The following CNTNAP1 variants were observed in gnomAD, a reference collection of about 807,000 sequenced individuals.
CNTNAP1 encodes the protein contactin associated protein 1.
A neutral mutation model predicts 161.5 loss-of-function variants in CNTNAP1; 80 were observed. That is an observed-to-expected ratio of 0.50 (90% confidence interval 0.41 to 0.60). CNTNAP1 has a LOEUF of 0.60. CNTNAP1 is among the 20% of genes least tolerant of loss of function. CNTNAP1 has a pLI of 0.00. For missense variants in CNTNAP1, 1,464 were observed against 1,854.8 expected (o/e 0.79, Z 3.87); for synonymous variants, 695 against 733.1 (o/e 0.95, Z 0.84).
intron 17 of CNTNAP1, among the ~76,000 whole-genome samples, chr17:42,692,959 T>C (rs1044616371): frequency 2.3e-5 from 3 of 129,272 alleles, no homozygotes; most frequent in African/African-American, 7.1e-5. Context: ...ATTTCTTTTC[T>C]TTTTTTTTTT....
chr17:42,695,294 TC>T (rs1393810842), intron 18 of CNTNAP1, among the ~76,000 whole-genome samples: 1 of 152,160 alleles, frequency 6.6e-6, no homozygotes, highest in African/African-American at 2.4e-5. Context: ...TGAGCCTGTT[TC>T]CCCATTTGTA....
intron 8 of CNTNAP1, 95 bp downstream of exon 8, chr17:42,688,076 G>A (rs1417680474): frequency 1.3e-6 from 2 of 1,498,476 alleles, no homozygotes; most frequent in East Asian, 4.5e-5. Context: ...ACATTCTGGA[G>A]AGGGGAGAGG....
At chr17:42,690,232 G>A (rs2053067576) in intron 12 of CNTNAP1, 25 bp downstream of exon 12, 3 of 1,612,758 alleles carry the variant, frequency 1.9e-6, no homozygotes, top group Admixed American at 1.7e-5. Context: ...TGGGTGGTGA[G>A]GGGGTGAGGG....
chr17:42,689,096 C>G (rs769769546), intron 10 of CNTNAP1, 49 bp downstream of exon 10: 46 of 1,505,776 alleles, frequency 3.1e-5, no homozygotes, highest in Admixed American at 8.9e-5. Context: ...GCCCTCTTCC[C>G]TGGTCTCCCA....
At position 42,687,954 on chromosome 17, in the gene CNTNAP1, G is replaced by C. The variant is rs754056108; in HGVS notation, c.1279G>C (p.Gly427Arg). ...GGTCAACGTGTCCATCGCGCAGAGC[G>C]GCCGAAAGAAGCTTCAGTTCGCTGC... is the stretch of plus-strand genomic sequence containing the variant. ...GQVNVSIAQS[G>R]RKKLQFAAGY... Residue 427 changes from glycine (G) to arginine (R), a missense_variant, in exon 8 of 24, where the codon GGC (glycine) becomes CGC (arginine). Physicochemically the swap from Gly to Arg is moderately radical, Grantham distance 125. This residue lies in a region of CNTNAP1 where 1,383 missense variants were observed against 1,765.0 expected (regional missense o/e 0.78). Transcript: ENST00000264638. This position sits in a 1 kb window ranked among gnomAD's most constrained non-coding sequence, Gnocchi z 4.7. 1.2e-6 allele frequency: 2 copies of C among 1,613,422 alleles called. No homozygotes were observed. The highest frequency in any genetic ancestry group is 1.7e-6 in the Non-Finnish European group (2 of 1,179,498).
chr17:42,696,349 A>C (rs1055294084), intron 20 of CNTNAP1, among the ~76,000 whole-genome samples, 197 bp downstream of exon 20: 1 of 143,790 alleles, frequency 7.0e-6, no homozygotes, highest in Non-Finnish European at 1.5e-5. Flanking sequence ...TTGAGATGGA[A>C]TTTTGCTCTT....
chr17:42,685,213 G>T lies in CNTNAP1; in HGVS notation c.512-4G>T, dbSNP rs2052989889. On this transcript the variant is annotated splice_region_variant and splice_polypyrimidine_tract_variant and intron_variant, in intron 4 of 23. Coordinates refer to ENST00000264638, the MANE Select transcript of CNTNAP1 (RefSeq NM_003632.3). The surrounding 1 kb of genome is among the most constrained non-coding windows in gnomAD (Gnocchi z 5.0). ...TCCCGGCCCACCTACGGTCCTTTGC[G>T]CAGAGGCCGACATACTCTATTTCGA... 1 of 1,613,432 alleles carries T rather than the reference G, an allele frequency of 6.2e-7. No homozygotes were observed. The highest frequency in any genetic ancestry group is 8.5e-7 in the Non-Finnish European group (1 of 1,180,022).
rs2052950979 is a variant in CNTNAP1 at position 42,682,728 on chromosome 17, T to C, written c.-102T>C. ...AGGGTGGGTAAGGAGGAGAGAGCGG[T>C]CTGCTGCAAACCCCAGGAGGAGAGC... is the stretch of plus-strand genomic sequence containing the variant. On this transcript the variant is annotated 5_prime_UTR_variant, in exon 1 of 24. Coordinates refer to ENST00000264638, the MANE Select transcript of CNTNAP1 (RefSeq NM_003632.3). 1 of 1,193,350 alleles carries C rather than the reference T, an allele frequency of 8.4e-7. No homozygotes were observed. Among genetic ancestry groups the C allele is most frequent in the Non-Finnish European group, 1.2e-6 (1 of 834,812 alleles). 73.9% of individuals were successfully genotyped at this position (1,193,350 alleles called of 1,614,324 possible).
In CNTNAP1 at chr17:42,692,698, G is replaced by T; in HGVS notation, c.2730G>T (p.Glu910Asp). ...PMPLQTYIWM[E>D]YDQPLYVGSA... ...CACTGCAGACCTACATCTGGATGGA[G>T]TATGACCAGCCCCTCTATGTGGGTA... The change falls in exon 17 of 24, where the codon GAG becomes GAT. Residue 910 changes from glutamate to aspartate, a missense_variant. Physicochemically the swap from Glu to Asp is conservative, Grantham distance 45. This residue lies in a region of CNTNAP1 where 1,383 missense variants were observed against 1,765.0 expected (regional missense o/e 0.78). Coordinates refer to ENST00000264638, the MANE Select transcript of CNTNAP1 (RefSeq NM_003632.3). The T allele has an allele frequency of 6.2e-7, 1 of 1,612,100 alleles. No homozygotes were observed. Among genetic ancestry groups the T allele is most frequent in the Non-Finnish European group, 8.5e-7 (1 of 1,178,470 alleles).
intron 11 of CNTNAP1, 21 bp downstream of exon 11, chr17:42,689,648 G>A (rs1439660804): frequency 6.3e-7 from 1 of 1,594,140 alleles, no homozygotes; most frequent in East Asian, 2.2e-5. Flanking sequence ...TGTGGTATGG[G>A]GGGAGTCAGG....
intron 18 of CNTNAP1, among the ~76,000 whole-genome samples, chr17:42,694,427 C>T (rs1391291196): frequency 6.6e-6 from 1 of 152,084 alleles, no homozygotes; most frequent in African/African-American, 2.4e-5. Context: ...CCACCTTGGC[C>T]TCCCAAAGTG....
At position 42,692,698 on chromosome 17, in the gene CNTNAP1, G is replaced by C; in HGVS notation, c.2730G>C (p.Glu910Asp). 1.2e-6 allele frequency: 2 copies of C among 1,612,100 alleles called. No individual in the cohort carries two copies. Among genetic ancestry groups the C allele is most frequent in the Non-Finnish European group, 1.7e-6 (2 of 1,178,470 alleles). ...PMPLQTYIWM[E>D]YDQPLYVGSA... is the part of the protein sequence containing the mutation. The stretch of plus-strand genomic sequence containing the variant: ...CACTGCAGACCTACATCTGGATGGA[G>C]TATGACCAGCCCCTCTATGTGGGTA... Residue 910 changes from glutamate to aspartate, a missense_variant, in exon 17 of 24, where the codon GAG becomes GAC. By Grantham distance (45) the Glu-to-Asp change is conservative. Transcript: ENST00000264638.
rs757592932 is a variant in CNTNAP1, at chr17:42,682,926, T to C, written c.67+30T>C. 33 of 1,577,284 alleles carry C rather than the reference T, an allele frequency of 2.1e-5. No homozygotes were observed. In the Middle Eastern group the frequency reaches 1.7e-3, roughly 79 times the overall value. ...GTGTTGGGCTTGGAGGCAGGTGGGG[T>C]TGGGCCCAGGAGTCCAGAGCCTGCA... is the stretch of plus-strand genomic sequence containing the variant. On this transcript the variant is annotated intron_variant, in intron 1 of 23. Transcript: ENST00000264638.
In CNTNAP1 at chr17:42,692,725, G is replaced by C; in HGVS notation, c.2752+5G>C. The C allele has an allele frequency of 6.3e-7, 1 of 1,599,964 alleles. No homozygotes were observed. Among genetic ancestry groups the C allele is most frequent in the South Asian group, 1.1e-5 (1 of 90,310 alleles). ...ATGACCAGCCCCTCTATGTGGGTAA[G>C]CAGCAACCCAGAGGCAAGTCTGAAG... On this transcript the variant is annotated splice_donor_5th_base_variant and intron_variant, in intron 17 of 23. Coordinates refer to ENST00000264638, the MANE Select transcript of CNTNAP1 (RefSeq NM_003632.3).
In CNTNAP1 at chr17:42,687,122, T is replaced by G. The variant is rs2053028324; in HGVS notation, c.1044+76T>G. On this transcript the variant is annotated intron_variant, in intron 7 of 23. Transcript: ENST00000264638. The surrounding 1 kb of genome is among the most constrained non-coding windows in gnomAD (Gnocchi z 4.7). ...AGCAAAGAGGTGGAGCGGGAAGAGA[T>G]ATTGAACATCAGATAAAAGCGGAGA... 1.9e-6 allele frequency: 3 copies of G among 1,548,400 alleles called. No homozygotes were observed. The highest frequency in any genetic ancestry group is 2.6e-6 in the Non-Finnish European group (3 of 1,137,190).
At chr17:42,688,729 G>A (rs1053542912) in intron 9 of CNTNAP1, 118 bp downstream of exon 9, 7 of 1,527,638 alleles carry the variant, frequency 4.6e-6, no homozygotes, top group Non-Finnish European at 4.5e-6. Context: ...TCCCCTCTGG[G>A]GCCTCAGGGA....
intron 21 of CNTNAP1, 53 bp downstream of exon 21, chr17:42,697,420 T>C (rs373435100): frequency 1.9e-6 from 3 of 1,609,158 alleles, no homozygotes; most frequent in Non-Finnish European, 2.6e-6. Context: ...CATATGTTCC[T>C]GGATCCTCAA....
In CNTNAP1 at chr17:42,686,911, C is replaced by T. The variant is rs765759640; in HGVS notation, c.909C>T (p.Ile303=). The stretch of plus-strand genomic sequence containing the variant: ...CCCCACGCCTCCCGCAGATGTTCAT[C>T]GGAGGTCTGGTGGGCGCCGCGCGGA... ...ERLNLDTEMF[I]GGLVGAARKN... The change falls in exon 7 of 24, where the codon ATC becomes ATT. Residue 303 remains isoleucine, a synonymous_variant. Transcript: ENST00000264638. 2 of 1,606,012 alleles carry T rather than the reference C, an allele frequency of 1.2e-6. No homozygotes were observed. The highest frequency in any genetic ancestry group is 1.7e-5 in the Admixed American group (1 of 59,694).
In CNTNAP1 at chr17:42,692,415, A is replaced by C. The variant is rs970537196; in HGVS notation, c.2531-84A>C. ...TCAAGAAGCTCCAAAGAGGTGAGGG[A>C]AAGAGGTTATATTGGGCAAGGATCT... On this transcript the variant is annotated intron_variant, in intron 16 of 23. Transcript: ENST00000264638. 4.3e-6 allele frequency: 5 copies of C among 1,152,104 alleles called. No homozygotes were observed. In the African/African-American group the frequency reaches 7.7e-5, roughly 18 times the overall value. The allele number at this position is 1,152,104 out of a possible 1,614,324, so 71.4% of individuals were successfully genotyped here.
Sources: gnomAD v4.1 joint callset for allele counts (sites outside exome capture counted in the v4.1 genomes callset) on GRCh38, gnomAD v4.1.1 for gene constraint, gnomAD v4.1.1 regional missense constraint, Gnocchi (gnomAD v3.1) non-coding constraint, MANE v1.5 for transcripts, NCBI Gene and HGNC (gene_info 2026-07-23, HGNC 2026-07-21) for gene names.